CD1B: variants seen among roughly 807,000 people sequenced by gnomAD.
CD1B encodes CD1b molecule.
CD1B carries 43 observed loss-of-function variants against 39.8 expected under a neutral mutation model. That is an observed-to-expected ratio of 1.08 (90% CI 0.85 to 1.39). CD1B has a LOEUF of 1.39. Among genes scored for constraint, CD1B ranks in the 40% most tolerant of loss-of-function variants. The pLI is 0.00. For synonymous variants in CD1B, 192 were observed against 152.5 expected, an observed-to-expected ratio of 1.26 and a Z score of -1.91; for missense variants, 495 against 403.8, an observed-to-expected ratio of 1.23 and a Z score of -1.94.
downstream of CD1B, among the ~76,000 whole-genome samples, chr1:158,324,029 G>T (rs1436348815): frequency 1.3e-5 from 2 of 152,242 alleles, no homozygotes; most frequent in East Asian, 3.8e-4. Flanking sequence ...AATAAACTCA[G>T]ATCACAGCTG....
At chr1:158,326,070 T>C (rs1454991393), downstream of CD1B, among the ~76,000 whole-genome samples, 12 of 152,106 alleles carry the variant, frequency 7.9e-5, no homozygotes, top group Admixed American at 2.6e-4. Context: ...CCCGGGTTCA[T>C]GCCATTCTCC....
the CD1B span, among the ~76,000 whole-genome samples, chr1:158,310,224 C>A: frequency 3.3e-5 from 5 of 152,158 alleles, no homozygotes; most frequent in African/African-American, 1.2e-4. Context: ...GGGGTGAAGA[C>A]TTCCTATTCA....
chr1:158,301,694 C>T, the CD1B span, among the ~76,000 whole-genome samples: 3 of 152,270 alleles, frequency 2.0e-5, no homozygotes, highest in South Asian at 6.2e-4. Context: ...TGGAACCCGA[C>T]TTTTCTTTCT....
the CD1B span, among the ~76,000 whole-genome samples, chr1:158,317,550 C>T: frequency 6.6e-6 from 1 of 152,056 alleles, no homozygotes; most frequent in East Asian, 1.9e-4. Context: ...TGATTCTTCT[C>T]TCTTTTTTTC....
chr1:158,295,269 AGACCCTGGGCT>A, the CD1B span, among the ~76,000 whole-genome samples: 1 of 152,044 alleles, frequency 6.6e-6, no homozygotes, highest in Non-Finnish European at 1.5e-5. Flanking sequence ...GGGAGAATGC[AGACCCTGGGCT>A]GAAGGGGGGA....
At chr1:158,307,363 AC>A in the CD1B span, among the ~76,000 whole-genome samples, 1 of 151,956 alleles carries the variant, frequency 6.6e-6, no homozygotes. Flanking sequence ...CGACACGTAC[AC>A]CCCCCCAAGA....
downstream of CD1B, among the ~76,000 whole-genome samples, chr1:158,327,720 T>C (rs900029438): frequency 9.9e-5 from 15 of 152,174 alleles, no homozygotes; most frequent in Non-Finnish European, 1.6e-4. Context: ...CATAGTTCCT[T>C]TTATTATAGC....
chr1:158,319,227 G>A, the CD1B span, among the ~76,000 whole-genome samples: 2 of 151,464 alleles, frequency 1.3e-5, no homozygotes, highest in East Asian at 1.9e-4. Flanking sequence ...CTAGATTGGG[G>A]AAGTTCTCCT....
chr1:158,329,839 C>G lies in CD1B; in HGVS notation c.607+13G>C. The G allele has an allele frequency of 6.2e-7, 1 of 1,607,126 alleles. No individual in the cohort carries two copies. On this transcript the variant is annotated intron_variant, in intron 3 of 5. Coordinates refer to ENST00000368168, the MANE Select transcript of CD1B (RefSeq NM_001764.3). Reference sequence around the variant, plus strand: ...GAGGAGGTGGTGGGAAGTGAAATAACAGCAGGACTAACCTTGTCTTTGCAG... The same window carrying G: ...GAGGAGGTGGTGGGAAGTGAAATAAGAGCAGGACTAACCTTGTCTTTGCAG...
At chr1:158,320,077 G>T in the CD1B span, among the ~76,000 whole-genome samples, 1 of 152,218 alleles carries the variant, frequency 6.6e-6, no homozygotes, top group Non-Finnish European at 1.5e-5. Context: ...CTGTCAGACA[G>T]GGACATTTAA....
At chr1:158,324,840 A>G (rs1652292096), downstream of CD1B, among the ~76,000 whole-genome samples, 1 of 152,172 alleles carries the variant, frequency 6.6e-6, no homozygotes, top group South Asian at 2.1e-4. Context: ...TACAGTCTTG[A>G]TGACAGAGGT....
chr1:158,306,537 C>G, the CD1B span, among the ~76,000 whole-genome samples: 1 of 152,164 alleles, frequency 6.6e-6, no homozygotes, highest in South Asian at 2.1e-4. Flanking sequence ...AGAAAGTTAA[C>G]AAGGATATCC....
the CD1B span, among the ~76,000 whole-genome samples, chr1:158,315,586 A>G: frequency 2.0e-5 from 3 of 150,374 alleles, no homozygotes; most frequent in South Asian, 2.1e-4. Context: ...GGTTGCAAAA[A>G]TTTTCTCCCA....
the CD1B span, among the ~76,000 whole-genome samples, chr1:158,302,640 A>G: frequency 0.012 from 1,875 of 152,312 alleles, 38 homozygotes; most frequent in African/African-American, 0.04. Flanking sequence ...AAAACCACTC[A>G]GATACTGTTA....
the CD1B span, among the ~76,000 whole-genome samples, chr1:158,296,338 G>A: frequency 1.1e-3 from 168 of 152,266 alleles, 1 homozygote; most frequent in African/African-American, 3.9e-3. Flanking sequence ...GCTGAGCTGA[G>A]CCATGGCCCC....
the CD1B span, among the ~76,000 whole-genome samples, chr1:158,296,947 T>C: frequency 1.3e-5 from 2 of 152,116 alleles, no homozygotes; most frequent in African/African-American, 4.8e-5. Context: ...AATATGAGGT[T>C]ATGTAAAGAG....
At chr1:158,327,900 A>G (rs1652419658), downstream of CD1B, 1 of 200,178 alleles carries the variant, frequency 5.0e-6, no homozygotes, top group Non-Finnish European at 1.0e-5. Context: ...ATATTTAACC[A>G]GAAGCAGAAA....
At chr1:158,285,630 G>A in the CD1B span, among the ~76,000 whole-genome samples, 3 of 152,154 alleles carry the variant, frequency 2.0e-5, no homozygotes, top group Admixed American at 6.5e-5. Context: ...CACAGGACAA[G>A]TCAAATAATA....
At chr1:158,326,005 T>C (rs975024988), downstream of CD1B, among the ~76,000 whole-genome samples, 1 of 152,230 alleles carries the variant, frequency 6.6e-6, no homozygotes, top group African/African-American at 2.4e-5. Flanking sequence ...AGTCTTGCTC[T>C]GTTGCCCAAG....
Sources: allele counts gnomAD v4.1 joint callset (sites outside exome capture counted in the v4.1 genomes callset), GRCh38; gene constraint gnomAD v4.1.1; transcripts MANE v1.5; gene names NCBI Gene and HGNC (gene_info 2026-07-23, HGNC 2026-07-21).